Variants in PUDP observed in about 807,000 individuals in gnomAD.
The protein encoded by PUDP is pseudouridine-5'-phosphatase.
Under a neutral mutation model 9.4 loss-of-function variants are expected in PUDP, and 8 were observed. The observed-to-expected ratio is 0.85, with a 90% CI of 0.50 to 1.53. The LOEUF (loss-of-function observed/expected upper bound fraction) is 1.53, where lower values mean the gene tolerates loss of function less well. Among genes scored for constraint, PUDP ranks in the 40% most tolerant of loss-of-function variants. The probability of loss-of-function intolerance (pLI) is 0.00; values close to 1 mark genes in which losing one functional copy is unlikely to be tolerated. For missense variants in PUDP, 188 were observed against 189.7 expected, an observed-to-expected ratio of 0.99 and a Z score of 0.05; for synonymous variants, 99 against 80.7, an observed-to-expected ratio of 1.23 and a Z score of -1.22.
intron 2 of PUDP, among the ~76,000 whole-genome samples, chrX:7,089,860 G>A (rs762978891): frequency 8.9e-6 from 1 of 111,854 alleles, no homozygotes; most frequent in East Asian, 2.8e-4. Context: ...TCATGTGCAG[G>A]CCCAAGAGGT....
chrX:6,897,402 A>G (rs1426923874), intron 3 of PUDP, among the ~76,000 whole-genome samples: 1 of 111,230 alleles, frequency 9.0e-6, no homozygotes, highest in African/African-American at 3.3e-5. Flanking sequence ...AAATCAAAAT[A>G]CTCCTTGCAG....
At chrX:7,068,597 G>A (rs1348577426) in intron 3 of PUDP, among the ~76,000 whole-genome samples, 1 of 112,245 alleles carries the variant, frequency 8.9e-6, no homozygotes, top group Non-Finnish European at 1.9e-5. Flanking sequence ...GGCCTAAGAA[G>A]TGGATGGATA....
intron 3 of PUDP, among the ~76,000 whole-genome samples, chrX:6,846,931 A>G (rs775454124): frequency 1.8e-5 from 2 of 110,964 alleles, no homozygotes; most frequent in African/African-American, 6.6e-5. Flanking sequence ...CCAAATAATT[A>G]TAATTTAATA....
chrX:6,926,777 G>A (rs994608229), intron 3 of PUDP, among the ~76,000 whole-genome samples: 2 of 111,515 alleles, frequency 1.8e-5, no homozygotes, highest in African/African-American at 6.5e-5. Flanking sequence ...TACTCTTGAG[G>A]AGTCTACCAG....
intron 3 of PUDP, among the ~76,000 whole-genome samples, chrX:6,754,372 CTG>C (rs1374058318): frequency 3.6e-5 from 4 of 111,193 alleles, no homozygotes; most frequent in Admixed American, 1.9e-4. Flanking sequence ...CCATGTGGAA[CTG>C]TGAGTCCATT....
chrX:6,750,724 C>T (rs1925059747), intron 3 of PUDP, among the ~76,000 whole-genome samples: 1 of 111,996 alleles, frequency 8.9e-6, no homozygotes. Context: ...ACACTTGTTT[C>T]CATCAGTGGC....
chrX:6,822,991 A>G (rs890232809), intron 3 of PUDP, among the ~76,000 whole-genome samples: 1 of 111,275 alleles, frequency 9.0e-6, no homozygotes, highest in African/African-American at 3.3e-5. Context: ...TTTTCTTTTA[A>G]GGGGCCTCAG....
At chrX:6,851,369 G>A (rs1926824225) in intron 3 of PUDP, among the ~76,000 whole-genome samples, 3 of 111,484 alleles carry the variant, frequency 2.7e-5, no homozygotes, top group Non-Finnish European at 3.8e-5. Flanking sequence ...GATTGCAGAC[G>A]TGTCGGTTAT....
Position 6,961,044 on chromosome X carries a change from T to G in PUDP, c.*247+16089A>C, listed in dbSNP as rs141314631. Among the ~76,000 whole-genome samples the G allele has an allele frequency of 3.9e-3, 433 of 112,011 alleles. 3 individuals carry two copies. Among genetic ancestry groups the G allele is most frequent in the African/African-American group, 0.013 (412 of 30,838 alleles). ...TTTTAATTACACTCTCCTTATTTTTTTCTAATAACTATTTCCTATACCAAA... is the reference window on the plus strand; with the variant it reads ...TTTTAATTACACTCTCCTTATTTTTGTCTAATAACTATTTCCTATACCAAA... On this transcript the variant is annotated intron_variant and NMD_transcript_variant, in intron 3 of 3. Coordinates refer to the PUDP transcript ENST00000655425.
At chrX:6,840,130 T>C (rs1926644907) in intron 3 of PUDP, among the ~76,000 whole-genome samples, 1 of 111,520 alleles carries the variant, frequency 9.0e-6, no homozygotes. Flanking sequence ...GTTCTCATGG[T>C]AGTGAATAAG....
chrX:6,996,000 C>A (rs941744426), intron 1 of PUDP, among the ~76,000 whole-genome samples: 5 of 110,060 alleles, frequency 4.5e-5, no homozygotes, highest in African/African-American at 1.7e-4. Context: ...AGCCAAGCTA[C>A]TAACAGTCAT....
intron 3 of PUDP, among the ~76,000 whole-genome samples, chrX:6,965,971 C>T (rs971817681): frequency 1.8e-5 from 2 of 110,618 alleles, no homozygotes; most frequent in Admixed American, 9.7e-5. Flanking sequence ...TTCCACCGTT[C>T]GGGAAGGAAA....
intron 3 of PUDP, among the ~76,000 whole-genome samples, chrX:6,822,941 C>T (rs1266109924): frequency 9.0e-6 from 1 of 111,273 alleles, no homozygotes; most frequent in Non-Finnish European, 1.9e-5. Flanking sequence ...TAAAAACTAA[C>T]ATTAAAGAAA....
At chrX:7,097,847 GA>G (rs1335284248) in intron 2 of PUDP, among the ~76,000 whole-genome samples, 1 of 111,060 alleles carries the variant, frequency 9.0e-6, no homozygotes, top group Non-Finnish European at 1.9e-5. Flanking sequence ...AAATTAAAAA[GA>G]AAAAAAGTAG....
intron 1 of PUDP, among the ~76,000 whole-genome samples, chrX:6,982,023 T>TACACAC (rs59016698): frequency 0.016 from 1,353 of 86,947 alleles, 23 homozygotes; most frequent in African/African-American, 0.036. Context: ...AACTTATGGA[T>TACACAC]ACACACACAC....
intron 3 of PUDP, among the ~76,000 whole-genome samples, chrX:6,791,637 A>G (rs1019123997): frequency 9.0e-6 from 1 of 111,562 alleles, no homozygotes; most frequent in Non-Finnish European, 1.9e-5. Flanking sequence ...AGGAGCAGTA[A>G]GTCAAGGAAT....
At chrX:6,856,253 T>C (rs894019769) in intron 3 of PUDP, among the ~76,000 whole-genome samples, 2 of 111,616 alleles carry the variant, frequency 1.8e-5, no homozygotes, top group Non-Finnish European at 3.8e-5. Flanking sequence ...ACCAAGCAGG[T>C]GACCATCCAA....
chrX:6,922,398 AT>A (rs1928038813), intron 3 of PUDP, among the ~76,000 whole-genome samples: 1 of 111,521 alleles, frequency 9.0e-6, no homozygotes, highest in South Asian at 3.8e-4. Flanking sequence ...ACCCACAAAA[AT>A]TTTTTAAATT....
At chrX:6,753,539 G>A (rs1168113077) in intron 3 of PUDP, among the ~76,000 whole-genome samples, 1 of 111,868 alleles carries the variant, frequency 8.9e-6, no homozygotes, top group Non-Finnish European at 1.9e-5. Flanking sequence ...GTTCTTTAAG[G>A]AATCTCCACA....
Sources: allele counts gnomAD v4.1 joint callset (sites outside exome capture counted in the v4.1 genomes callset), GRCh38; gene constraint gnomAD v4.1.1; transcripts MANE v1.5; gene names NCBI Gene and HGNC (gene_info 2026-07-23, HGNC 2026-07-21).